MRPL51: variants seen among roughly 807,000 people sequenced by gnomAD.
The protein encoded by MRPL51 is mitochondrial ribosomal protein L51.
In MRPL51, 6 loss-of-function variants were observed where a neutral mutation model predicts 15.0. That is an observed-to-expected ratio of 0.40 (90% CI 0.22 to 0.79). The LOEUF is 0.79. MRPL51 is among the 30% of genes least tolerant of loss of function. The pLI, the probability that MRPL51 is intolerant of heterozygous loss-of-function variation, is 0.36. For synonymous variants in MRPL51, 65 were observed against 58.3 expected (o/e 1.11, Z -0.52); for missense variants, 155 against 166.4 (o/e 0.93, Z 0.38).
chr12:6,492,111 G>A lies in MRPL51; in HGVS notation c.*160C>T. On this transcript the variant is annotated 3_prime_UTR_variant, in exon 3 of 3. Coordinates refer to ENST00000229238, the MANE Select transcript of MRPL51 (RefSeq NM_016497.4). Reference sequence around the variant, plus strand: ...GACTTCATAGTCTACATGAGTAGAGGCAGCATCTAGAGGAAAACAAAAGTA... The same window carrying A: ...GACTTCATAGTCTACATGAGTAGAGACAGCATCTAGAGGAAAACAAAAGTA... The A allele has an allele frequency of 1.5e-6, 1 of 684,464 alleles. No individual in the cohort carries two copies. Among genetic ancestry groups the A allele is most frequent in the Non-Finnish European group, 2.4e-6 (1 of 416,452 alleles). The allele number at this position is 684,464 out of a possible 1,614,324, so 42.4% of individuals were successfully genotyped here.
rs1197010438 is a variant in MRPL51, at chr12:6,492,310, A to G, written c.348T>C (p.Tyr116=). The G allele has an allele frequency of 6.2e-7, 1 of 1,612,726 alleles. No individual in the cohort carries two copies. Among genetic ancestry groups the G allele is most frequent in the East Asian group, 2.2e-5 (1 of 44,882 alleles). The change falls in exon 3 of 3, where the codon TAT becomes TAC. Residue 116 remains tyrosine (Y), a synonymous_variant. Transcript: ENST00000229238. The part of the protein sequence containing the change: ...DLHNLNKRIR[Y]LYKHFNRHGK... ...CATGTCGGTTAAAGTGTTTGTAGAG[A>G]TAGCGGATGCGTTTATTAAGGTTGT...
Position 6,492,903 on chromosome 12 carries a change from T to C in MRPL51, c.149A>G (p.Lys50Arg). 1 of 1,614,068 alleles carries C rather than the reference T, an allele frequency of 6.2e-7. No homozygotes were observed. The highest frequency in any genetic ancestry group is 2.2e-5 in the East Asian group (1 of 44,878). ...GTCATACACTCCGAACATGGCCCTT[T>C]TCTCGTTCCAACGATCAACCACTTT... ...PPKVVDRWNE[K>R]RAMFGVYDNI... The change falls in exon 2 of 3, where the codon AAA becomes AGA. Residue 50 changes from lysine to arginine, a missense_variant. Transcript: ENST00000229238.
chr12:6,493,256 C>T lies in MRPL51; in HGVS notation c.-120G>A, dbSNP rs3180589. ...ACAGCCATCTTGGGCCTTACCCAGG[C>T]AGCTGTGGGCGCACCGCCCACCTAC... On this transcript the variant is annotated 5_prime_UTR_variant, in exon 1 of 3. Transcript: ENST00000229238. 0.29 allele frequency: 317,935 copies of T among 1,082,020 alleles called. 49,485 individuals are homozygous for T. The highest frequency in any genetic ancestry group is 0.52 in the African/African-American group (32,510 of 62,466). 67.0% of individuals were successfully genotyped at this position (1,082,020 alleles called of 1,614,324 possible).
rs1300699643 is a variant in MRPL51 at position 6,493,129 on chromosome 12, C to T, written c.8G>A (p.Gly3Glu). The T allele has an allele frequency of 6.2e-7, 1 of 1,612,258 alleles. No homozygotes were observed. Among genetic ancestry groups the T allele is most frequent in the Admixed American group, 1.7e-5 (1 of 60,018 alleles). MA[G>E]NLLSGAGRRL... ...CCTACCTGCCCCGGATAAGAGGTTC[C>T]CTGCCATTTCTCTAGTCTCCCCCCT... is the stretch of plus-strand genomic sequence containing the variant. The change falls in exon 1 of 3, where the codon GGG becomes GAG. Residue 3 changes from glycine (G) to glutamate (E), a missense_variant. By Grantham distance (98) the Gly-to-Glu change is moderately conservative (BLOSUM62 -2). Coordinates refer to ENST00000229238, the MANE Select transcript of MRPL51 (RefSeq NM_016497.4).
In MRPL51 at chr12:6,491,962, T is replaced by C. The variant is rs1945924085; in HGVS notation, c.*309A>G. ...AAACACTATTAACATAACAGCATTA[T>C]GTCAAAAAGCGCCAATAACATTCTC... On this transcript the variant is annotated 3_prime_UTR_variant, in exon 3 of 3. Transcript: ENST00000229238. 1 of 252,736 alleles carries C rather than the reference T, an allele frequency of 4.0e-6. No homozygotes were observed. The highest frequency in any genetic ancestry group is 7.6e-6 in the Non-Finnish European group (1 of 132,258). 15.7% of individuals were successfully genotyped at this position (252,736 alleles called of 1,614,324 possible). A position where few individuals can be genotyped will look rare whatever the true frequency, so the allele number is the denominator to read the frequency against.
Position 6,492,373 on chromosome 12 carries a change from C to T in MRPL51, c.285G>A (p.Arg95=). ...GNELQRCIRK[R]KMVGSRMFAD... ...CGAACATTCTACTTCCAACCATTTTCCTCTTTCGGATACAACGTTGCAATT... is the reference window on the plus strand; with the variant it reads ...CGAACATTCTACTTCCAACCATTTTTCTCTTTCGGATACAACGTTGCAATT... Residue 95 remains arginine (R), a synonymous_variant, in exon 3 of 3, where the codon AGG becomes AGA. Coordinates refer to ENST00000229238, the MANE Select transcript of MRPL51 (RefSeq NM_016497.4). 6.2e-7 allele frequency: 1 copy of T among 1,614,174 alleles called. No individual in the cohort carries two copies. The highest frequency in any genetic ancestry group is 2.2e-5 in the East Asian group (1 of 44,884).
At position 6,492,320 on chromosome 12, in the gene MRPL51, C is replaced by T. The variant is rs191438555; in HGVS notation, c.338G>A (p.Arg113His). The change falls in exon 3 of 3, where the codon CGC becomes CAC. Residue 113 changes from arginine to histidine, a missense_variant. Physicochemically the swap from Arg to His is conservative, Grantham distance 29. Transcript: ENST00000229238. ...FADDLHNLNK[R>H]IRYLYKHFNR... ...AAAGTGTTTGTAGAGATAGCGGATG[C>T]GTTTATTAAGGTTGTGCAGGTCATC... 16 of 1,613,236 alleles carry T rather than the reference C, an allele frequency of 9.9e-6. No individual in the cohort carries two copies. The Admixed American group carries it at 2.3e-4, about 24-fold the overall frequency.
rs943115261 is a variant in MRPL51, at chr12:6,492,417, G to A, written c.241C>T (p.Arg81Ter). Residue 81 changes from arginine (R) to a stop codon, truncating the protein, a stop_gained, in exon 3 of 3, where the codon CGA becomes TGA. Transcript: ENST00000229238. LOFTEE classifies it high-confidence loss of function. ...KELIRGPIWLRGWKGNELQRC... is the reference protein window; with the variant it reads ...KELIRGPIWL Reference sequence around the variant, plus strand: ...TGCAATTCATTCCCTTTCCAACCTCGAAGCCATATGGGCCCCCTGATCAGT... The same window carrying A: ...TGCAATTCATTCCCTTTCCAACCTCAAAGCCATATGGGCCCCCTGATCAGT... 4 of 1,613,510 alleles carry A rather than the reference G, an allele frequency of 2.5e-6. No homozygotes were observed. Among genetic ancestry groups the A allele is most frequent in the Non-Finnish European group, 1.7e-6 (2 of 1,179,906 alleles).
In MRPL51 at chr12:6,492,064, C is replaced by A; in HGVS notation, c.*207G>T. 1.9e-6 allele frequency: 1 copy of A among 519,960 alleles called. No individual in the cohort carries two copies. The highest frequency in any genetic ancestry group is 3.3e-6 in the Non-Finnish European group (1 of 301,638). The allele number at this position is 519,960 out of a possible 1,614,324, so 32.2% of individuals were successfully genotyped here. ...GTGGTGTGAAGCCCAAACCTAAGAT[C>A]CTAAGATCTAGGATGAGTCAAGACT... On this transcript the variant is annotated 3_prime_UTR_variant, in exon 3 of 3. Coordinates refer to ENST00000229238, the MANE Select transcript of MRPL51 (RefSeq NM_016497.4).
chr12:6,492,606 C>A lies in MRPL51; in HGVS notation c.191-139G>T, dbSNP rs1945932958. 10 of 946,372 alleles carry A rather than the reference C, an allele frequency of 1.1e-5. No individual in the cohort carries two copies. The Admixed American group carries it at 2.5e-4, about 23-fold the overall frequency. The allele number at this position is 946,372 out of a possible 1,614,324, so 58.6% of individuals were successfully genotyped here. A position where few individuals can be genotyped will look rare whatever the true frequency, so the allele number is the denominator to read the frequency against. On this transcript the variant is annotated intron_variant, in intron 2 of 2. Coordinates refer to ENST00000229238, the MANE Select transcript of MRPL51 (RefSeq NM_016497.4). ...TTACAGTACAGAACAATAGCACAGA[C>A]TCTGGAGCCAGACTGCTTGGGGTTA...
rs1945940206 is a variant in MRPL51 at position 6,493,254 on chromosome 12, G to C, written c.-118C>G. On this transcript the variant is annotated 5_prime_UTR_variant, in exon 1 of 3. Transcript: ENST00000229238. ...AGACAGCCATCTTGGGCCTTACCCA[G>C]GCAGCTGTGGGCGCACCGCCCACCT... is the stretch of plus-strand genomic sequence containing the variant. The C allele has an allele frequency of 3.4e-5, 36 of 1,074,010 alleles. 1 individual carries two copies. The South Asian group carries it at 5.0e-4, about 15-fold the overall frequency. The allele number at this position is 1,074,010 out of a possible 1,614,324, so 66.5% of individuals were successfully genotyped here.
At position 6,492,458 on chromosome 12, in the gene MRPL51, TC is replaced by T. The variant is rs1237985779; in HGVS notation, c.199del (p.Glu67LysfsTer7). ...CCTGATCAGTTCTTTGGGGTGCTTT[TC>T]AAAGTTTCCTGTGTAATGTGAGAGA... Reference protein sequence around the residue: ...YDNIGILGNFEKHPKELIRGP... With the variant: ...YDNIGILGNFXKHPKELIRGP... On this transcript the variant is annotated frameshift_variant, in exon 3 of 3. Transcript: ENST00000229238. LOFTEE classifies it high-confidence loss of function. 6.2e-7 allele frequency: 1 copy of T among 1,601,158 alleles called. No homozygotes were observed. Among genetic ancestry groups the T allele is most frequent in the South Asian group, 1.1e-5 (1 of 88,976 alleles).
At position 6,492,149 on chromosome 12, in the gene MRPL51, AT is replaced by A; in HGVS notation, c.*121del. On this transcript the variant is annotated 3_prime_UTR_variant, in exon 3 of 3. Transcript: ENST00000229238. ...GAAAACAAAAGTATGTGGCTATCAAATTCCAAAGAAGCCCCATTTTATTACA... is the reference window on the plus strand; with the variant it reads ...GAAAACAAAAGTATGTGGCTATCAAATCCAAAGAAGCCCCATTTTATTACA... 1.9e-6 allele frequency: 2 copies of A among 1,066,658 alleles called. No homozygotes were observed. Among genetic ancestry groups the A allele is most frequent in the Non-Finnish European group, 2.7e-6 (2 of 741,036 alleles). 66.1% of individuals were successfully genotyped at this position (1,066,658 alleles called of 1,614,324 possible).
rs1945939783 is a variant in MRPL51, at chr12:6,493,226, C to T, written c.-90G>A. ...CGCCAACTTCACACGAGTACTAAGG[C>T]GAAGACAGCCATCTTGGGCCTTACC... On this transcript the variant is annotated 5_prime_UTR_variant, in exon 1 of 3. Transcript: ENST00000229238. The T allele has an allele frequency of 7.1e-7, 1 of 1,400,022 alleles. No homozygotes were observed. Among genetic ancestry groups the T allele is most frequent in the East Asian group, 2.4e-5 (1 of 42,104 alleles). The allele number at this position is 1,400,022 out of a possible 1,614,324, so 86.7% of individuals were successfully genotyped here.
rs1945925433 is a variant in MRPL51, at chr12:6,492,102, T to C, written c.*169A>G. The C allele has an allele frequency of 1.5e-6, 1 of 653,314 alleles. No homozygotes were observed. The highest frequency in any genetic ancestry group is 2.6e-6 in the Non-Finnish European group (1 of 392,072). 40.5% of individuals were successfully genotyped at this position (653,314 alleles called of 1,614,324 possible). On this transcript the variant is annotated 3_prime_UTR_variant, in exon 3 of 3. Transcript: ENST00000229238. ...ATGAGTCAAGACTTCATAGTCTACA[T>C]GAGTAGAGGCAGCATCTAGAGGAAA...
rs1488404424 is a variant in MRPL51 at position 6,493,230 on chromosome 12, G to A, written c.-94C>T. 3.5e-5 allele frequency: 48 copies of A among 1,383,914 alleles called. No individual in the cohort carries two copies. The highest frequency in any genetic ancestry group is 6.0e-6 in the Non-Finnish European group (6 of 997,614). 85.7% of individuals were successfully genotyped at this position (1,383,914 alleles called of 1,614,324 possible). On this transcript the variant is annotated 5_prime_UTR_variant, in exon 1 of 3. Coordinates refer to ENST00000229238, the MANE Select transcript of MRPL51 (RefSeq NM_016497.4). ...AACTTCACACGAGTACTAAGGCGAAGACAGCCATCTTGGGCCTTACCCAGG... is the reference window on the plus strand; with the variant it reads ...AACTTCACACGAGTACTAAGGCGAAAACAGCCATCTTGGGCCTTACCCAGG...
rs374269884 is a variant in MRPL51 at position 6,492,878 on chromosome 12, G to A, written c.174C>T (p.Asp58=). Reference sequence around the variant, plus strand: ...AAGTCTTACCCAGGATCCCGATGTTGTCATACACTCCGAACATGGCCCTTT... The same window carrying A: ...AAGTCTTACCCAGGATCCCGATGTTATCATACACTCCGAACATGGCCCTTT... The part of the protein sequence containing the change: ...NEKRAMFGVY[D]NIGILGNFEK... The change falls in exon 2 of 3, where the codon GAC becomes GAT. Residue 58 remains aspartate, a synonymous_variant. Coordinates refer to ENST00000229238, the MANE Select transcript of MRPL51 (RefSeq NM_016497.4). The A allele has an allele frequency of 1.9e-6, 3 of 1,612,638 alleles. No individual in the cohort carries two copies. The highest frequency in any genetic ancestry group is 2.5e-6 in the Non-Finnish European group (3 of 1,178,736).
chr12:6,493,079 CCA>C lies in MRPL51; in HGVS notation c.56_57del (p.Leu19ArgfsTer11). On this transcript the variant is annotated frameshift_variant, in exon 1 of 3. Coordinates refer to ENST00000229238, the MANE Select transcript of MRPL51 (RefSeq NM_016497.4). LOFTEE classifies it high-confidence loss of function. ...AGRRLWDWVP[L>X]ACRSFSLGVP... Reference sequence around the variant, plus strand: ...TTACCAAGAGAGAAGCTTCTGCACGCCAGAGGCACCCAGTCCCACAGGCGCCT... The same window carrying C: ...TTACCAAGAGAGAAGCTTCTGCACGCGAGGCACCCAGTCCCACAGGCGCCT... The C allele has an allele frequency of 6.2e-7, 1 of 1,613,286 alleles. No individual in the cohort carries two copies.
Position 6,491,989 on chromosome 12 carries a change from C to A in MRPL51, c.*282G>T. 1 of 310,418 alleles carries A rather than the reference C, an allele frequency of 3.2e-6. No homozygotes were observed. The highest frequency in any genetic ancestry group is 2.2e-5 in the African/African-American group (1 of 46,480). The allele number at this position is 310,418 out of a possible 1,614,324, so 19.2% of individuals were successfully genotyped here. A position where few individuals can be genotyped will look rare whatever the true frequency, so the allele number is the denominator to read the frequency against. On this transcript the variant is annotated 3_prime_UTR_variant, in exon 3 of 3. Transcript: ENST00000229238. ...TCAAAAAGCGCCAATAACATTCTCA[C>A]CAACTTTTCTTTTTAAAGGAATTAG...
Sources: allele counts gnomAD v4.1 joint callset, GRCh38; gene constraint gnomAD v4.1.1; transcripts MANE v1.5; gene names NCBI Gene and HGNC (gene_info 2026-07-23, HGNC 2026-07-21).